KLF8: variants seen among roughly 807,000 people sequenced by gnomAD.
KLF8 encodes the protein KLF transcription factor 8, also known as Krueppel-like factor 8.
KLF8 carries 10 observed loss-of-function variants against 18.2 expected under a neutral mutation model. The observed-to-expected ratio is 0.55, with a 90% CI of 0.34 to 0.93. The LOEUF (loss-of-function observed/expected upper bound fraction) is 0.93, where lower values mean the gene tolerates loss of function less well. Among genes scored for constraint, KLF8 ranks in the 40% least tolerant of loss-of-function variants. KLF8 has a pLI of 0.02. For synonymous variants in KLF8, 109 were observed against 97.3 expected, an observed-to-expected ratio of 1.12 and a Z score of -0.71; for missense variants, 264 against 277.9, an observed-to-expected ratio of 0.95 and a Z score of 0.36.
the KLF8 span, among the ~76,000 whole-genome samples, chrX:56,140,135 G>T: frequency 8.9e-6 from 1 of 112,318 alleles, no homozygotes; most frequent in Non-Finnish European, 1.9e-5. Flanking sequence ...TGGTGAAAAG[G>T]TAATGCTTAT....
chrX:56,182,345 T>C, the KLF8 span, among the ~76,000 whole-genome samples: 1 of 112,355 alleles, frequency 8.9e-6, no homozygotes, highest in South Asian at 3.7e-4. Flanking sequence ...TACTGTTTAT[T>C]CTAGTTAACC....
the KLF8 span, among the ~76,000 whole-genome samples, chrX:56,190,050 A>AT: frequency 9.0e-6 from 1 of 110,703 alleles, no homozygotes; most frequent in South Asian, 3.9e-4. Flanking sequence ...TAAAAAAATA[A>AT]AAAATCTGGA....
the KLF8 span, among the ~76,000 whole-genome samples, chrX:56,116,773 G>A: frequency 1.9e-5 from 2 of 107,155 alleles, no homozygotes; most frequent in African/African-American, 3.4e-5. Flanking sequence ...TACCCTCTTA[G>A]CAGATTTCAT....
At chrX:55,985,959 A>C in the KLF8 span, among the ~76,000 whole-genome samples, 1 of 110,859 alleles carries the variant, frequency 9.0e-6, no homozygotes, top group African/African-American at 3.3e-5. Flanking sequence ...TAGCAGTGGT[A>C]GTGATTTTTG....
chrX:55,987,548 G>A, the KLF8 span, among the ~76,000 whole-genome samples: 5 of 111,904 alleles, frequency 4.5e-5, no homozygotes, highest in Non-Finnish European at 7.5e-5. Context: ...TTTTATGGCT[G>A]CATAGTATTC....
the KLF8 span, among the ~76,000 whole-genome samples, chrX:56,166,307 A>C: frequency 8.9e-6 from 1 of 111,841 alleles, no homozygotes; most frequent in Non-Finnish European, 1.9e-5. Flanking sequence ...TAAAACTAAA[A>C]TGTATGATAT....
chrX:56,092,405 T>C, the KLF8 span, among the ~76,000 whole-genome samples: 1 of 111,691 alleles, frequency 9.0e-6, no homozygotes, highest in Non-Finnish European at 1.9e-5. Context: ...GTTTTCTTTA[T>C]GTTTTCTCCT....
chrX:56,161,863 C>T, the KLF8 span, among the ~76,000 whole-genome samples: 1 of 111,566 alleles, frequency 9.0e-6, no homozygotes, highest in Admixed American at 9.6e-5. Flanking sequence ...TTAGAGTTTC[C>T]AGTTTTTCTG....
At chrX:55,988,654 C>A in the KLF8 span, among the ~76,000 whole-genome samples, 2 of 111,439 alleles carry the variant, frequency 1.8e-5, no homozygotes, top group Non-Finnish European at 3.8e-5. Context: ...CAGCTTTGTT[C>A]TTTTGACTTA....
chrX:56,042,035 AAC>A, the KLF8 span, among the ~76,000 whole-genome samples: 1 of 111,381 alleles, frequency 9.0e-6, no homozygotes, highest in South Asian at 3.8e-4. Context: ...TTTCTCTCTT[AAC>A]ACTTCTTTAG....
chrX:56,215,861 A>T, the KLF8 span, among the ~76,000 whole-genome samples: 1 of 92,609 alleles, frequency 1.1e-5, no homozygotes, highest in African/African-American at 4.0e-5. Context: ...AAAAAAAAAA[A>T]AAGAAAAGAA....
At chrX:56,062,854 G>A in the KLF8 span, among the ~76,000 whole-genome samples, 7 of 110,798 alleles carry the variant, frequency 6.3e-5, no homozygotes, top group Non-Finnish European at 9.4e-5. Flanking sequence ...TGGAGGCTTT[G>A]TTTGCTCCTT....
chrX:56,091,849 T>C, the KLF8 span, among the ~76,000 whole-genome samples: 130 of 112,060 alleles, frequency 1.2e-3, 2 homozygotes, highest in East Asian at 0.028. Flanking sequence ...ATTGCTAGAT[T>C]GAATGCTAGT....
chrX:56,108,265 T>C, the KLF8 span, among the ~76,000 whole-genome samples: 2 of 112,198 alleles, frequency 1.8e-5, no homozygotes, highest in Non-Finnish European at 1.9e-5. Context: ...AAAGCAGACA[T>C]CCTTTTCTTA....
the KLF8 span, among the ~76,000 whole-genome samples, chrX:55,947,706 T>C: frequency 9.0e-6 from 1 of 111,685 alleles, no homozygotes; most frequent in Non-Finnish European, 1.9e-5. Context: ...TCTTTTTCTT[T>C]GAGTTTTGTG....
At chrX:56,111,737 A>G in the KLF8 span, among the ~76,000 whole-genome samples, 1 of 112,483 alleles carries the variant, frequency 8.9e-6, no homozygotes, top group Non-Finnish European at 1.9e-5. Context: ...AAAAAAGCTC[A>G]TCATCACTCG....
the KLF8 span, among the ~76,000 whole-genome samples, chrX:56,140,610 A>G: frequency 9.1e-6 from 1 of 110,351 alleles, no homozygotes; most frequent in East Asian, 2.9e-4. Context: ...TTGAGGGTGG[A>G]TGGTGGGAAG....
chrX:55,941,560 AACC>A, the KLF8 span, among the ~76,000 whole-genome samples: 1 of 112,169 alleles, frequency 8.9e-6, no homozygotes, highest in Non-Finnish European at 1.9e-5. Flanking sequence ...GAGCAAAAGA[AACC>A]ACCATCAGAG....
the KLF8 span, among the ~76,000 whole-genome samples, chrX:56,067,502 G>A: frequency 9.0e-6 from 1 of 111,011 alleles, no homozygotes; most frequent in Non-Finnish European, 1.9e-5. Flanking sequence ...AAACAAAAGG[G>A]CTAGTGAGCA....
Sources: allele counts gnomAD v4.1 joint callset (sites outside exome capture counted in the v4.1 genomes callset), GRCh38; gene constraint gnomAD v4.1.1; transcripts MANE v1.5; gene names NCBI Gene and HGNC (gene_info 2026-07-23, HGNC 2026-07-21).